The following VWF variants were observed in gnomAD, a reference collection of about 807,000 sequenced individuals.
VWF encodes the protein von Willebrand factor, also known as Factor VIII related antigen.
In VWF, 176 loss-of-function variants were observed where a neutral mutation model predicts 308.6. The observed-to-expected ratio is 0.57, with a 90% CI of 0.50 to 0.65. The LOEUF is 0.65. Ranked by LOEUF, VWF falls within the 30% of genes least tolerant of loss-of-function variation. The pLI, the probability that VWF is intolerant of heterozygous loss-of-function variation, is 0.00. For missense variants in VWF, 3,146 were observed against 3,648.2 expected (o/e 0.86, Z 3.55); for synonymous variants, 1,385 against 1,443.4 (o/e 0.96, Z 0.92).
rs1477546504 is a variant in VWF, at chr12:6,013,626, AATAGGG to A, written c.5469_5474del (p.Pro1824_Ile1825del). The A allele has an allele frequency of 6.2e-7, 1 of 1,613,204 alleles. No homozygotes were observed. The highest frequency in any genetic ancestry group is 1.7e-5 in the Admixed American group (1 of 60,000). On this transcript the variant is annotated inframe_deletion, in exon 32 of 52. Coordinates refer to ENST00000261405, the MANE Select transcript of VWF (RefSeq NM_000552.5). ...CTGCATCGTAGCGATCTCCAATTCC[AATAGGG>A]AACACTGTCACTCCTAGAGTTAGCA...
intron 34 of VWF, among the ~76,000 whole-genome samples, chr12:6,009,013 A>G (rs1943962628): frequency 6.6e-6 from 1 of 152,182 alleles, no homozygotes; most frequent in Non-Finnish European, 1.5e-5. Context: ...GAACTTTGCA[A>G]CATTGGTCTT....
At chr12:6,022,298 C>T (rs1260565018) in intron 26 of VWF, among the ~76,000 whole-genome samples, 3 of 152,082 alleles carry the variant, frequency 2.0e-5, no homozygotes, top group Non-Finnish European at 4.4e-5. Flanking sequence ...ATCTTATCTC[C>T]GGGGCTCTTT....
In VWF at chr12:6,019,320, G is replaced by T. The variant is rs753407706; in HGVS notation, c.4098C>A (p.Phe1366Leu). 1 of 1,613,958 alleles carries T rather than the reference G, an allele frequency of 6.2e-7. No individual in the cohort carries two copies. The change falls in exon 28 of 52, where the codon TTC becomes TTA. Residue 1366 changes from phenylalanine (F) to leucine (L), a missense_variant. Around this residue, in one of 3 missense-constraint regions of VWF, gnomAD observed 853 missense variants for 1,177.8 expected, o/e 0.72. Transcript: ENST00000261405. This position sits in a 1 kb window ranked among gnomAD's most constrained non-coding sequence, Gnocchi z 5.8. ...STSEVLKYTL[F>L]QIFSKIDRPE... is the part of the protein sequence containing the mutation. The stretch of plus-strand genomic sequence containing the variant: ...GGCGGTCGATCTTGCTGAAGATTTG[G>T]AACAGTGTGTATTTCAAGACCTCGC...
chr12:5,949,163 T>C lies in VWF; in HGVS notation c.8294A>G (p.Asn2765Ser). 1 of 1,614,234 alleles carries C rather than the reference T, an allele frequency of 6.2e-7. No homozygotes were observed. The highest frequency in any genetic ancestry group is 8.5e-7 in the Non-Finnish European group (1 of 1,180,042). ...ASKAMYSIDI[N>S]DVQDQCSCCS... The stretch of plus-strand genomic sequence containing the variant: ...GCAGGAGCACTGGTCCTGCACATCG[T>C]TGATGTCAATGGAGTACATGGCTTT... Residue 2765 changes from asparagine to serine, a missense_variant, in exon 52 of 52, where the codon AAC (asparagine) becomes AGC (serine). Asn to Ser is a conservative substitution (Grantham distance 46). Transcript: ENST00000261405.
At chr12:6,092,634 T>TGAGAGAGAGAGA (rs1565386750) in intron 6 of VWF, among the ~76,000 whole-genome samples, 5 of 79,262 alleles carry the variant, frequency 6.3e-5, no homozygotes, top group African/African-American at 4.0e-4. Context: ...TGTGTGTGTG[T>TGAGAGAGAGAGA]GTGTGTGTGT....
intron 47 of VWF, among the ~76,000 whole-genome samples, chr12:5,956,236 T>C (rs1943248907): frequency 1.3e-5 from 2 of 152,236 alleles, no homozygotes; most frequent in African/African-American, 2.4e-5. Flanking sequence ...TGTATGTTAC[T>C]GGTTTATGAA....
At chr12:5,951,058 AC>A in intron 50 of VWF, among the ~76,000 whole-genome samples, 1 of 147,320 alleles carries the variant, frequency 6.8e-6, no homozygotes. Flanking sequence ...GGACCTGTGA[AC>A]CCAGGGCAGA....
At chr12:6,099,318 C>CAAAAAA (rs1177262693) in intron 5 of VWF, among the ~76,000 whole-genome samples, 2 of 65,584 alleles carry the variant, frequency 3.0e-5, no homozygotes, top group Non-Finnish European at 3.7e-5. Context: ...GACTCTATCT[C>CAAAAAA]AAAAAAAAAA....
intron 44 of VWF, among the ~76,000 whole-genome samples, chr12:5,971,067 G>C (rs1370570968): frequency 2.0e-5 from 3 of 152,300 alleles, no homozygotes; most frequent in African/African-American, 2.4e-5. Flanking sequence ...GCCAGGAGAG[G>C]ACAAGAGTGG....
chr12:6,089,207 T>C (rs1035617306), intron 6 of VWF, among the ~76,000 whole-genome samples: 2 of 152,156 alleles, frequency 1.3e-5, no homozygotes, highest in Admixed American at 1.3e-4. Flanking sequence ...GCCATATTAA[T>C]CACCTCTTGG....
intron 34 of VWF, among the ~76,000 whole-genome samples, chr12:6,003,704 T>C (rs767033716): frequency 1.1e-4 from 17 of 151,424 alleles, no homozygotes; most frequent in Non-Finnish European, 2.2e-4. Context: ...AAGGGGGAAA[T>C]GGGGTATCAT....
rs993158656 is a variant in VWF, at chr12:6,074,499, A to C, written c.875-758T>G. On this transcript the variant is annotated intron_variant, in intron 7 of 51. Coordinates refer to ENST00000261405, the MANE Select transcript of VWF (RefSeq NM_000552.5). ...ACATTCACAGACCTAAAAAAAAAAAAAAAAAAAAAAACAGCCACTCGGCTT... is the reference window on the plus strand; with the variant it reads ...ACATTCACAGACCTAAAAAAAAAAACAAAAAAAAAAACAGCCACTCGGCTT... Among the ~76,000 whole-genome samples the C allele has an allele frequency of 8.9e-4, 135 of 151,760 alleles. 4 individuals are homozygous for C. The highest frequency in any genetic ancestry group is 6.3e-4 in the South Asian group (3 of 4,798).
At chr12:5,981,649 G>A (rs1943606977) in intron 42 of VWF, 137 bp downstream of exon 42, 2 of 1,015,428 alleles carry the variant, frequency 2.0e-6, no homozygotes, top group Non-Finnish European at 3.0e-6. Context: ...AATCTTCCAT[G>A]AGGAGCACAT....
intron 49 of VWF, 120 bp from the exon 50 acceptor site, chr12:5,952,003 A>G: frequency 1.0e-6 from 1 of 975,074 alleles, no homozygotes; most frequent in South Asian, 1.3e-5. Context: ...GCCCAGATGT[A>G]AACTATGCTT....
intron 6 of VWF, among the ~76,000 whole-genome samples, chr12:6,076,312 A>T (rs574570513): frequency 6.6e-6 from 1 of 152,342 alleles, no homozygotes; most frequent in Non-Finnish European, 1.5e-5. Context: ...ACCTAGAAAC[A>T]TCTCTCCATT....
intron 50 of VWF, among the ~76,000 whole-genome samples, chr12:5,951,026 T>C (rs1444649884): frequency 2.0e-5 from 3 of 152,132 alleles, no homozygotes; most frequent in Non-Finnish European, 2.9e-5. Flanking sequence ...CACTCTTCCT[T>C]TCTCTATCTG....
In VWF at chr12:6,056,834, C is replaced by T. The variant is rs1480819191; in HGVS notation, c.1945+23G>A. ...CGGATTTGGGGGGCGGCCCGGAGGG[C>T]TGCGGGCAGGGAGGGCACGCACCAC... On this transcript the variant is annotated intron_variant, in intron 15 of 51. Transcript: ENST00000261405. The T allele has an allele frequency of 5.1e-6, 7 of 1,363,360 alleles. No individual in the cohort carries two copies. In the South Asian group the frequency reaches 1.1e-4, roughly 21 times the overall value. The allele number at this position is 1,363,360 out of a possible 1,614,324, so 84.5% of individuals were successfully genotyped here.
At chr12:5,976,762 G>C (rs545074631) in intron 42 of VWF, among the ~76,000 whole-genome samples, 1 of 152,298 alleles carries the variant, frequency 6.6e-6, no homozygotes, top group African/African-American at 2.4e-5. Context: ...CACAGAGCAG[G>C]GGATATGTTT....
chr12:6,090,978 G>C (rs993633316), intron 6 of VWF, among the ~76,000 whole-genome samples: 4 of 152,178 alleles, frequency 2.6e-5, no homozygotes, highest in Admixed American at 2.6e-4. Flanking sequence ...CTCCCCTCAC[G>C]TGCTAGAACT....
Sources: gnomAD v4.1 joint callset for allele counts (sites outside exome capture counted in the v4.1 genomes callset) on GRCh38, gnomAD v4.1.1 for gene constraint, gnomAD v4.1.1 regional missense constraint, Gnocchi (gnomAD v3.1) non-coding constraint, MANE v1.5 for transcripts, NCBI Gene and HGNC (gene_info 2026-07-23, HGNC 2026-07-21) for gene names.